The following SDK1 variants were observed in gnomAD, a reference collection of about 807,000 sequenced individuals.
SDK1 encodes protein sidekick-1.
Under a neutral mutation model 245.5 loss-of-function variants are expected in SDK1, and 157 were observed. The observed-to-expected ratio is 0.64, with a 90% CI of 0.56 to 0.73. The LOEUF is 0.73. Among genes scored for constraint, SDK1 ranks in the 30% least tolerant of loss-of-function variants. The probability of loss-of-function intolerance (pLI) is 0.00; values close to 1 mark genes in which losing one functional copy is unlikely to be tolerated. For missense variants in SDK1, 3,583 were observed against 3,002.3 expected, an observed-to-expected ratio of 1.19 and a Z score of -4.52; for synonymous variants, 1,647 against 1,278.5, an observed-to-expected ratio of 1.29 and a Z score of -6.15.
intron 1 of SDK1, among the ~76,000 whole-genome samples, chr7:3,508,740 T>C (rs751523512): frequency 1.3e-5 from 2 of 152,236 alleles, no homozygotes; most frequent in Non-Finnish European, 2.9e-5. Context: ...AACCCTAGTA[T>C]TGAAATTGCC....
At chr7:3,878,566 C>G (rs903217372) in intron 5 of SDK1, among the ~76,000 whole-genome samples, 5 of 152,070 alleles carry the variant, frequency 3.3e-5, no homozygotes, top group Admixed American at 6.5e-5. Context: ...GCTTTTTAAC[C>G]ACAAACGAAG....
chr7:4,001,592 T>C (rs17134149), intron 14 of SDK1, among the ~76,000 whole-genome samples: 1,552 of 152,356 alleles, frequency 0.01, 27 homozygotes, highest in African/African-American at 0.036. Flanking sequence ...GCTCTTTAGT[T>C]CTTAACTTTT....
chr7:3,556,164 C>G (rs1562560496), intron 1 of SDK1, among the ~76,000 whole-genome samples: 1 of 152,110 alleles, frequency 6.6e-6, no homozygotes, highest in Non-Finnish European at 1.5e-5. Context: ...TGTAAGCAAC[C>G]TAAGTGTTCT....
At chr7:3,467,029 CAGAGATGTAAAACAT>C (rs1781029006) in intron 1 of SDK1, among the ~76,000 whole-genome samples, 1 of 137,556 alleles carries the variant, frequency 7.3e-6, no homozygotes, top group Non-Finnish European at 1.6e-5. Flanking sequence ...CACACACACA[CAGAGATGTAAAACAT>C]ACACATAGAA....
chr7:3,856,070 C>G (rs989818622), intron 5 of SDK1, among the ~76,000 whole-genome samples: 4 of 152,118 alleles, frequency 2.6e-5, no homozygotes, highest in Admixed American at 2.0e-4. Context: ...AGTTATCAAC[C>G]AGAGATTTTG....
chr7:3,478,512 A>G (rs1343369869), intron 1 of SDK1, among the ~76,000 whole-genome samples: 1 of 152,038 alleles, frequency 6.6e-6, no homozygotes, highest in Admixed American at 6.6e-5. Context: ...CAACTTTAAA[A>G]ATAACTTTAT....
intron 1 of SDK1, among the ~76,000 whole-genome samples, chr7:3,331,437 A>G (rs141494477): frequency 5.9e-5 from 9 of 152,314 alleles, no homozygotes; most frequent in African/African-American, 1.4e-4. Context: ...GTCCATTTGC[A>G]TATCTTCTTT....
chr7:3,998,882 T>C (rs116107049), intron 14 of SDK1, among the ~76,000 whole-genome samples: 23 of 152,320 alleles, frequency 1.5e-4, no homozygotes, highest in African/African-American at 5.5e-4. Context: ...TTTGCAAGTG[T>C]GCCATCCATG....
intron 1 of SDK1, among the ~76,000 whole-genome samples, chr7:3,466,787 G>C (rs191308065): frequency 3.3e-5 from 5 of 151,670 alleles, no homozygotes; most frequent in Admixed American, 2.0e-4. Context: ...CTCTAAAGCA[G>C]AGTTAAATTG....
At chr7:3,553,885 C>T (rs1047603837) in intron 1 of SDK1, among the ~76,000 whole-genome samples, 2 of 152,192 alleles carry the variant, frequency 1.3e-5, no homozygotes, top group Admixed American at 6.5e-5. Flanking sequence ...TCCCTTCACT[C>T]CCTCAGGCAG....
chr7:3,848,711 A>T (rs186894739), intron 5 of SDK1, among the ~76,000 whole-genome samples: 7 of 150,704 alleles, frequency 4.6e-5, no homozygotes, highest in Admixed American at 4.0e-4. Flanking sequence ...TGCTCTTGTC[A>T]CTCAGGCTGG....
intron 5 of SDK1, among the ~76,000 whole-genome samples, chr7:3,897,224 T>C (rs893754087): frequency 6.6e-6 from 1 of 152,162 alleles, no homozygotes; most frequent in African/African-American, 2.4e-5. Flanking sequence ...TAGCATCTTC[T>C]CCATTTTAAG....
intron 1 of SDK1, among the ~76,000 whole-genome samples, chr7:3,493,605 C>T (rs1308200752): frequency 1.3e-5 from 2 of 152,126 alleles, no homozygotes; most frequent in African/African-American, 4.8e-5. Flanking sequence ...TAAAGGAAAG[C>T]AGAATTATAG....
At position 3,953,295 on chromosome 7, in the gene SDK1, C is replaced by G. The variant is rs529607343; in HGVS notation, c.1150+1375C>G. ...TTAGGAAATGACTCCATGTCCTGAC[C>G]TTGACTCTTCTAAATACAATGCAGT... On this transcript the variant is annotated intron_variant, in intron 7 of 44. Coordinates refer to ENST00000404826, the MANE Select transcript of SDK1 (RefSeq NM_152744.4). 2.6e-5 allele frequency among the ~76,000 whole-genome samples: 4 copies of G among 152,274 alleles called. No individual in the cohort carries two copies. The East Asian group carries it at 7.7e-4, about 29-fold the overall frequency.
At chr7:3,587,799 C>G (rs1163961896) in intron 1 of SDK1, among the ~76,000 whole-genome samples, 1 of 152,252 alleles carries the variant, frequency 6.6e-6, no homozygotes, top group East Asian at 1.9e-4. Flanking sequence ...TGTTATCTAG[C>G]TTTCCATGGG....
At chr7:3,787,650 G>A (rs577226391) in intron 4 of SDK1, among the ~76,000 whole-genome samples, 8 of 151,474 alleles carry the variant, frequency 5.3e-5, no homozygotes, top group Non-Finnish European at 7.4e-5. Context: ...GTTTTTTTCA[G>A]CTGGCCCGAG....
rs891189477 is a variant in SDK1 at position 3,922,243 on chromosome 7, G to C, written c.848-28680G>C. ...TCCTGAGTTCTGGCCAGCTAAGCTC[G>C]GGCAGCCATGGATCTGGGGGCTGGG... On this transcript the variant is annotated intron_variant, in intron 5 of 44. Coordinates refer to ENST00000404826, the MANE Select transcript of SDK1 (RefSeq NM_152744.4). Among the ~76,000 whole-genome samples, 10 of 152,260 alleles carry C rather than the reference G, an allele frequency of 6.6e-5. No individual in the cohort carries two copies. In the East Asian group the frequency reaches 1.9e-3, roughly 29 times the overall value.
chr7:3,773,324 T>G lies in SDK1; in HGVS notation c.714-48126T>G, dbSNP rs184069708. On this transcript the variant is annotated intron_variant, in intron 4 of 44. Coordinates refer to ENST00000404826, the MANE Select transcript of SDK1 (RefSeq NM_152744.4). ...TCTTCCACCTCATTAAAATTGCTTT[T>G]GAATCCCTCTAGTAAATTTATCACT... 4.3e-4 allele frequency among the ~76,000 whole-genome samples: 65 copies of G among 152,304 alleles called. 1 individual carries two copies. The highest frequency in any genetic ancestry group is 1.4e-3 in the African/African-American group (59 of 41,588).
At chr7:3,309,508 G>C (rs1359572636) in intron 1 of SDK1, among the ~76,000 whole-genome samples, 1 of 140,716 alleles carries the variant, frequency 7.1e-6, no homozygotes, top group African/African-American at 2.6e-5. Flanking sequence ...TAGTGGCAGA[G>C]TGTCACTAGA....
Sources: gnomAD v4.1 joint callset for allele counts (sites outside exome capture counted in the v4.1 genomes callset) on GRCh38, gnomAD v4.1.1 for gene constraint, MANE v1.5 for transcripts, NCBI Gene and HGNC (gene_info 2026-07-23, HGNC 2026-07-21) for gene names.